The following STXBP5L variants were observed in gnomAD, a reference collection of about 807,000 sequenced individuals.
STXBP5L encodes the protein syntaxin-binding protein 5-like.
STXBP5L carries 65 observed loss-of-function variants against 144.5 expected under a neutral mutation model. The observed-to-expected ratio is 0.45, with a 90% CI of 0.37 to 0.55. The LOEUF (loss-of-function observed/expected upper bound fraction) is 0.55. STXBP5L is among the 20% of genes least tolerant of loss of function. STXBP5L has a pLI of 0.00. For missense variants in STXBP5L, 1,298 were observed against 1,405.5 expected, an observed-to-expected ratio of 0.92 and a Z score of 1.22; for synonymous variants, 505 against 469.6, an observed-to-expected ratio of 1.08 and a Z score of -0.97.
intron 3 of STXBP5L, among the ~76,000 whole-genome samples, chr3:121,012,183 C>T (rs987102742): frequency 2.6e-5 from 4 of 151,660 alleles, no homozygotes; most frequent in African/African-American, 9.7e-5. Context: ...TATGGATATA[C>T]CACATTTTAT....
chr3:121,170,540 A>G (rs1307498783), intron 9 of STXBP5L, among the ~76,000 whole-genome samples: 3 of 152,246 alleles, frequency 2.0e-5, no homozygotes, highest in Non-Finnish European at 2.9e-5. Context: ...AATACAAACT[A>G]CCAGCAGAGA....
At position 121,383,549 on chromosome 3, in the gene STXBP5L, C is replaced by T. The variant is rs146068195; in HGVS notation, c.2587+2017C>T. Among the ~76,000 whole-genome samples the T allele has an allele frequency of 4.8e-3, 732 of 152,118 alleles. 7 individuals are homozygous for T. The highest frequency in any genetic ancestry group is 0.017 in the African/African-American group (691 of 41,498). On this transcript the variant is annotated intron_variant, in intron 22 of 26. Transcript: ENST00000471454. Reference sequence around the variant, plus strand: ...CTGAAACTGCTGTTAAAAATACACTCTATTAATTTGTTGAATAAAGATGTA... The same window carrying T: ...CTGAAACTGCTGTTAAAAATACACTTTATTAATTTGTTGAATAAAGATGTA...
intron 5 of STXBP5L, among the ~76,000 whole-genome samples, chr3:121,062,569 G>T (rs920083026): frequency 6.6e-6 from 1 of 152,154 alleles, no homozygotes; most frequent in African/African-American, 2.4e-5. Context: ...GCTAGGTTGG[G>T]GAAGTTCTCC....
At chr3:121,049,632 G>C (rs887023025) in intron 5 of STXBP5L, 1 of 154,332 alleles carries the variant, frequency 6.5e-6, no homozygotes, top group Non-Finnish European at 1.5e-5. Context: ...GGTCTCACTA[G>C]TGTCCCAGGC....
chr3:121,217,148 C>T (rs1175148171), intron 10 of STXBP5L, among the ~76,000 whole-genome samples: 1 of 152,152 alleles, frequency 6.6e-6, no homozygotes, highest in African/African-American at 2.4e-5. Context: ...TGAGCTAGAC[C>T]ACTTGGCTCC....
At chr3:121,356,364 C>A (rs894229326) in intron 20 of STXBP5L, among the ~76,000 whole-genome samples, 1 of 152,238 alleles carries the variant, frequency 6.6e-6, no homozygotes, top group African/African-American at 2.4e-5. Context: ...AGCTTCCCGG[C>A]CACTCTGTTT....
chr3:121,273,866 T>G (rs1202544900), intron 18 of STXBP5L, among the ~76,000 whole-genome samples: 1 of 152,092 alleles, frequency 6.6e-6, no homozygotes. Flanking sequence ...TTCTTTTAGC[T>G]CCAGAATTTC....
intron 18 of STXBP5L, among the ~76,000 whole-genome samples, chr3:121,263,094 C>G (rs1176564691): frequency 6.6e-6 from 1 of 152,180 alleles, no homozygotes; most frequent in Non-Finnish European, 1.5e-5. Flanking sequence ...GGAGGGTGTC[C>G]CTCTGGGACA....
At chr3:121,074,316 G>A (rs759344298) in intron 5 of STXBP5L, among the ~76,000 whole-genome samples, 31 of 152,304 alleles carry the variant, frequency 2.0e-4, no homozygotes, top group Middle Eastern at 3.4e-3. Context: ...GGGCACAATG[G>A]CATATAATGT....
intron 7 of STXBP5L, among the ~76,000 whole-genome samples, chr3:121,142,946 A>G (rs1036595154): frequency 6.6e-6 from 1 of 151,926 alleles, no homozygotes; most frequent in African/African-American, 2.4e-5. Flanking sequence ...TTATTTGAAA[A>G]GATCAACAAA....
intron 10 of STXBP5L, among the ~76,000 whole-genome samples, chr3:121,211,734 A>G (rs535604361): frequency 1.3e-5 from 2 of 152,018 alleles, no homozygotes; most frequent in African/African-American, 4.8e-5. Context: ...ATGTGCCACC[A>G]TTCCCAGCTA....
intron 2 of STXBP5L, among the ~76,000 whole-genome samples, chr3:120,941,992 T>A (rs1398676102): frequency 6.6e-6 from 1 of 151,790 alleles, no homozygotes; most frequent in Admixed American, 6.6e-5. Flanking sequence ...AGCTGTGGTG[T>A]TGGCTTAGCA....
At chr3:120,948,005 C>A (rs1171605092) in intron 2 of STXBP5L, among the ~76,000 whole-genome samples, 2 of 151,662 alleles carry the variant, frequency 1.3e-5, no homozygotes, top group African/African-American at 4.8e-5. Flanking sequence ...CTCTGTATTT[C>A]ATATATTGAG....
intron 18 of STXBP5L, among the ~76,000 whole-genome samples, chr3:121,260,016 T>C (rs1577323449): frequency 6.6e-6 from 1 of 152,204 alleles, no homozygotes; most frequent in East Asian, 1.9e-4. Flanking sequence ...TCCTTATTTC[T>C]AGGTTGTAGC....
chr3:121,017,033 C>G (rs932454699), intron 3 of STXBP5L, among the ~76,000 whole-genome samples: 3 of 152,016 alleles, frequency 2.0e-5, no homozygotes, highest in Non-Finnish European at 4.4e-5. Flanking sequence ...ATGCAAAAAT[C>G]ATCTACAAAA....
At chr3:121,282,123 C>T in intron 19 of STXBP5L, 1 of 518,302 alleles carries the variant, frequency 1.9e-6, no homozygotes, top group East Asian at 3.0e-5. Flanking sequence ...ATATCTCCTT[C>T]TAATTTAATT....
At chr3:121,335,386 C>A (rs2108568622) in intron 20 of STXBP5L, among the ~76,000 whole-genome samples, 1 of 152,024 alleles carries the variant, frequency 6.6e-6, no homozygotes, top group Admixed American at 6.6e-5. Context: ...TTGCCTGAAG[C>A]AATTTAGAGA....
At chr3:121,006,396 A>G (rs948041953) in intron 3 of STXBP5L, among the ~76,000 whole-genome samples, 10 of 151,128 alleles carry the variant, frequency 6.6e-5, no homozygotes, top group Admixed American at 4.6e-4. Flanking sequence ...TTTGTTTTCC[A>G]TTTGCTTGGT....
chr3:121,173,868 A>G (rs1219864875), intron 9 of STXBP5L, among the ~76,000 whole-genome samples: 1 of 151,096 alleles, frequency 6.6e-6, no homozygotes, highest in Non-Finnish European at 1.5e-5. Context: ...TCTGCTTGTT[A>G]GGAACATTTC....
Sources: gnomAD v4.1 joint callset for allele counts (sites outside exome capture counted in the v4.1 genomes callset) on GRCh38, gnomAD v4.1.1 for gene constraint, MANE v1.5 for transcripts, NCBI Gene and HGNC (gene_info 2026-07-23, HGNC 2026-07-21) for gene names.